TTBK2: variants seen among roughly 807,000 people sequenced by gnomAD.
The protein encoded by TTBK2 is tau tubulin kinase 2.
In TTBK2, 28 loss-of-function variants were observed where a neutral mutation model predicts 110.8. The ratio of observed to expected loss-of-function variants is 0.25; its 90% CI spans 0.19 to 0.35. The LOEUF (loss-of-function observed/expected upper bound fraction) is 0.35, where lower values mean the gene tolerates loss of function less well. TTBK2 is among the 10% of genes least tolerant of loss of function. The probability of loss-of-function intolerance (pLI) is 1.00; values close to 1 mark genes in which losing one functional copy is unlikely to be tolerated. For synonymous variants in TTBK2, 532 were observed against 527.3 expected, an observed-to-expected ratio of 1.01 and a Z score of -0.12; for missense variants, 1,369 against 1,500.3, an observed-to-expected ratio of 0.91 and a Z score of 1.45.
intron 13 of TTBK2, among the ~76,000 whole-genome samples, chr15:42,770,140 A>G (rs556763044): frequency 1.3e-5 from 2 of 151,976 alleles, no homozygotes; most frequent in South Asian, 2.1e-4. Context: ...AGAAATACCT[A>G]ATGTAAATGA....
intron 4 of TTBK2, 129 bp from the exon 5 acceptor site, chr15:42,830,207 G>A: frequency 9.0e-7 from 1 of 1,111,006 alleles, no homozygotes; most frequent in East Asian, 2.7e-5. Flanking sequence ...TTTTTTTTGA[G>A]AGGGAGTTTC....
chr15:42,904,865 CTG>C (rs2030286525), intron 1 of TTBK2, among the ~76,000 whole-genome samples: 3 of 151,824 alleles, frequency 2.0e-5, no homozygotes. Flanking sequence ...AGACATCAAA[CTG>C]TATATAATTT....
At chr15:42,913,704 A>T (rs998961200) in intron 1 of TTBK2, among the ~76,000 whole-genome samples, 1 of 152,200 alleles carries the variant, frequency 6.6e-6, no homozygotes, top group African/African-American at 2.4e-5. Context: ...ACAAAAGTGT[A>T]AACAACCTAG....
intron 13 of TTBK2, among the ~76,000 whole-genome samples, chr15:42,761,323 C>T (rs1485233360): frequency 2.0e-5 from 3 of 152,098 alleles, no homozygotes; most frequent in Non-Finnish European, 4.4e-5. Context: ...AAAAAATAAA[C>T]TGGATTATAT....
chr15:42,832,434 G>A (rs1454067585), intron 4 of TTBK2, among the ~76,000 whole-genome samples: 1 of 152,172 alleles, frequency 6.6e-6, no homozygotes, highest in Non-Finnish European at 1.5e-5. Context: ...ACTGATAAGA[G>A]TATGGGGTAA....
intron 6 of TTBK2, among the ~76,000 whole-genome samples, chr15:42,823,738 ATTT>A (rs57341447): frequency 6.9e-6 from 1 of 145,242 alleles, no homozygotes. Flanking sequence ...TTTTTGTGTG[ATTT>A]TTTTTTTTTT....
At chr15:42,900,153 C>T (rs539471735) in intron 1 of TTBK2, among the ~76,000 whole-genome samples, 2 of 151,246 alleles carry the variant, frequency 1.3e-5, no homozygotes, top group East Asian at 4.1e-4. Flanking sequence ...CCACCACGCC[C>T]GGCCAATTTT....
intron 1 of TTBK2, among the ~76,000 whole-genome samples, chr15:42,899,396 G>C (rs958329964): frequency 2.0e-5 from 3 of 151,462 alleles, no homozygotes. Flanking sequence ...AGGAGTTCAA[G>C]ACCAGCCTGG....
chr15:42,892,393 T>A lies in TTBK2; in HGVS notation c.-67-13709A>T, dbSNP rs144640419. ...GACGGTATTACACTTAGGCCTAACATATTTATTATTTGGACCTTTAATAAA... is the reference window on the plus strand; with the variant it reads ...GACGGTATTACACTTAGGCCTAACAAATTTATTATTTGGACCTTTAATAAA... On this transcript the variant is annotated intron_variant, in intron 1 of 14. Coordinates refer to ENST00000267890, the MANE Select transcript of TTBK2 (RefSeq NM_173500.4). 1.7e-3 allele frequency among the ~76,000 whole-genome samples: 253 copies of A among 152,224 alleles called. 1 individual carries two copies. The Middle Eastern group carries it at 0.027, about 16-fold the overall frequency.
At chr15:42,770,100 C>A (rs1054820878) in intron 13 of TTBK2, among the ~76,000 whole-genome samples, 1 of 91,566 alleles carries the variant, frequency 1.1e-5, no homozygotes, top group Non-Finnish European at 2.1e-5. Flanking sequence ...CAGGGCCTGT[C>A]GTGGGGTGGG....
Position 42,739,799 on chromosome 15 carries a change from A to C in TTBK2, c.*5996T>G, listed in dbSNP as rs1233776759. 6.6e-6 allele frequency: 1 copy of C among 152,208 alleles called. No homozygotes were observed. 9.4% of individuals were successfully genotyped at this position (152,208 alleles called of 1,614,324 possible). A position where few individuals can be genotyped will look rare whatever the true frequency, so the allele number is the denominator to read the frequency against. ...CTATAAGTCAAATTCAAGTTCTGGT[A>C]GCCTTGTTTACCCCTTGTAGGCGAG... On this transcript the variant is annotated 3_prime_UTR_variant, in exon 15 of 15. Transcript: ENST00000267890.
At chr15:42,807,078 C>T (rs191833032) in intron 9 of TTBK2, among the ~76,000 whole-genome samples, 91 of 152,294 alleles carry the variant, frequency 6.0e-4, no homozygotes, top group Non-Finnish European at 2.9e-4. Context: ...GAGGATCCTA[C>T]AACTGCTCTA....
At chr15:42,747,518 G>A (rs1303572534) in intron 14 of TTBK2, among the ~76,000 whole-genome samples, 1 of 152,118 alleles carries the variant, frequency 6.6e-6, no homozygotes, top group Non-Finnish European at 1.5e-5. Context: ...AGATCATCAG[G>A]CATTAATTAG....
intron 9 of TTBK2, among the ~76,000 whole-genome samples, chr15:42,796,657 G>A (rs1890958737): frequency 6.6e-6 from 1 of 152,204 alleles, no homozygotes; most frequent in Non-Finnish European, 1.5e-5. Flanking sequence ...AGTTGTAAAT[G>A]TATAGTTATT....
rs1288837594 is a variant in TTBK2, at chr15:42,783,403, T to G, written c.1197+16A>C. ...CTGTAAGAAATAAATTTCTGTTGTT[T>G]ATAAGGTACTCATACCTTACAAATT... On this transcript the variant is annotated intron_variant, in intron 11 of 14. Transcript: ENST00000267890. 3 of 1,610,084 alleles carry G rather than the reference T, an allele frequency of 1.9e-6. No homozygotes were observed. In the African/African-American group the frequency reaches 4.0e-5, roughly 22 times the overall value.
chr15:42,877,408 C>T (rs926740056), intron 2 of TTBK2, among the ~76,000 whole-genome samples: 7 of 152,004 alleles, frequency 4.6e-5, no homozygotes, highest in South Asian at 4.1e-4. Context: ...TGTGTTAACC[C>T]CAAATGGAAG....
chr15:42,874,403 G>A (rs1034743642), intron 2 of TTBK2, among the ~76,000 whole-genome samples: 11 of 151,720 alleles, frequency 7.3e-5, no homozygotes, highest in African/African-American at 2.7e-4. Context: ...TGCAACCTCC[G>A]CCTCCTGGGT....
intron 3 of TTBK2, among the ~76,000 whole-genome samples, chr15:42,848,679 G>A (rs1446429627): frequency 3.9e-5 from 6 of 152,098 alleles, no homozygotes; most frequent in African/African-American, 7.2e-5. Context: ...TAGTAGAGAC[G>A]GGGTTTCTCC....
Position 42,775,377 on chromosome 15 carries a change from G to A in TTBK2, c.1756C>T (p.Leu586Phe). The A allele has an allele frequency of 2.5e-6, 4 of 1,614,206 alleles. No individual in the cohort carries two copies. Among genetic ancestry groups the A allele is most frequent in the Non-Finnish European group, 3.4e-6 (4 of 1,180,036 alleles). Residue 586 changes from leucine to phenylalanine, a missense_variant, in exon 13 of 15, where the codon CTT becomes TTT. Leu to Phe is a conservative substitution (Grantham distance 22). This residue lies in a region of TTBK2 where 1,097 missense variants were observed against 1,114.7 expected (regional missense o/e 0.98). Transcript: ENST00000267890. ...GSPSDEEPEV[L>F]QVLEASPQDE... ...TGAGGTGATGCCTCCAGGACTTGAA[G>A]TACTTCAGGCTCCTCATCAGAAGGA...
Sources: allele counts gnomAD v4.1 joint callset (sites outside exome capture counted in the v4.1 genomes callset), GRCh38; gene constraint gnomAD v4.1.1; regional missense constraint gnomAD v4.1.1; transcripts MANE v1.5; gene names NCBI Gene and HGNC (gene_info 2026-07-23, HGNC 2026-07-21).